The following IMMP2L variants were observed in gnomAD, a reference collection of about 807,000 sequenced individuals.
The protein encoded by IMMP2L is mitochondrial inner membrane protease subunit 2.
In IMMP2L, 18 loss-of-function variants were observed where a neutral mutation model predicts 19.3. The observed-to-expected ratio is 0.93, with a 90% CI of 0.64 to 1.38. The LOEUF (loss-of-function observed/expected upper bound fraction) is 1.38. Among genes scored for constraint, IMMP2L ranks in the 40% most tolerant of loss-of-function variants. The pLI, the probability that IMMP2L is intolerant of heterozygous loss-of-function variation, is 0.00. For synonymous variants in IMMP2L, 76 were observed against 73.0 expected (o/e 1.04, Z -0.21); for missense variants, 233 against 218.2 (o/e 1.07, Z -0.43).
At chr7:110,676,397 C>T (rs190347253) in intron 5 of IMMP2L, among the ~76,000 whole-genome samples, 24 of 152,358 alleles carry the variant, frequency 1.6e-4, no homozygotes, top group Middle Eastern at 3.4e-3. Context: ...CTGTATTTGG[C>T]CTGAGGGCCA....
At chr7:111,488,535 G>A (rs930306175) in intron 2 of IMMP2L, among the ~76,000 whole-genome samples, 1 of 152,100 alleles carries the variant, frequency 6.6e-6, no homozygotes, top group Non-Finnish European at 1.5e-5. Context: ...TTATGGCTGA[G>A]TAATATATAT....
chr7:110,825,614 T>C (rs1803411431), intron 5 of IMMP2L, among the ~76,000 whole-genome samples: 1 of 152,168 alleles, frequency 6.6e-6, no homozygotes, highest in Admixed American at 6.6e-5. Context: ...TAAATGGTGC[T>C]AGGAAAACTG....
chr7:111,175,716 G>A (rs557793246), intron 3 of IMMP2L, among the ~76,000 whole-genome samples: 7 of 151,716 alleles, frequency 4.6e-5, no homozygotes, highest in South Asian at 2.1e-4. Context: ...CATAGGAATG[G>A]GCAAAGATTT....
chr7:111,506,051 C>G (rs996956099), intron 2 of IMMP2L, among the ~76,000 whole-genome samples: 1 of 151,794 alleles, frequency 6.6e-6, no homozygotes, highest in Non-Finnish European at 1.5e-5. Flanking sequence ...GAGGATGGCT[C>G]CAGGCCAAAA....
At chr7:111,415,367 A>C (rs1834865111) in intron 3 of IMMP2L, among the ~76,000 whole-genome samples, 2 of 151,828 alleles carry the variant, frequency 1.3e-5, no homozygotes, top group South Asian at 2.1e-4. Flanking sequence ...GGAGACCTTG[A>C]CTTTAGTATA....
intron 5 of IMMP2L, among the ~76,000 whole-genome samples, chr7:110,794,547 A>G: frequency 6.6e-6 from 1 of 152,224 alleles, no homozygotes; most frequent in South Asian, 2.1e-4. Flanking sequence ...ATCATCATAT[A>G]TTCCTATTTT....
intron 5 of IMMP2L, among the ~76,000 whole-genome samples, chr7:110,806,253 A>G (rs998406404): frequency 1.8e-5 from 2 of 109,646 alleles, no homozygotes; most frequent in African/African-American, 7.0e-5. Context: ...TCTGGCTCTG[A>G]AGTTCTTTTC....
At chr7:111,219,529 A>T in intron 3 of IMMP2L, among the ~76,000 whole-genome samples, 1 of 152,180 alleles carries the variant, frequency 6.6e-6, no homozygotes, top group East Asian at 1.9e-4. Context: ...TAATGATATC[A>T]TAAAATTAAT....
intron 3 of IMMP2L, among the ~76,000 whole-genome samples, chr7:111,388,794 C>T (rs185265995): frequency 6.6e-6 from 1 of 152,146 alleles, no homozygotes; most frequent in East Asian, 1.9e-4. Flanking sequence ...ATTACCTCCC[C>T]CTGGGTCCCT....
intron 3 of IMMP2L, among the ~76,000 whole-genome samples, chr7:111,193,530 T>C (rs1034125124): frequency 1.3e-5 from 2 of 152,120 alleles, no homozygotes; most frequent in Non-Finnish European, 2.9e-5. Context: ...AAAGAAAATA[T>C]AGTTCTTATT....
intron 3 of IMMP2L, among the ~76,000 whole-genome samples, chr7:111,478,042 G>A (rs1841865988): frequency 6.6e-6 from 1 of 151,922 alleles, no homozygotes; most frequent in African/African-American, 2.4e-5. Context: ...AAAACTCTTG[G>A]CCTGAATCTA....
At chr7:110,675,149 A>T (rs1792208421) in intron 5 of IMMP2L, among the ~76,000 whole-genome samples, 1 of 152,168 alleles carries the variant, frequency 6.6e-6, no homozygotes, top group African/African-American at 2.4e-5. Flanking sequence ...TTACACAGCT[A>T]TCATCCAGTG....
chr7:110,904,955 T>C (rs954139397), intron 4 of IMMP2L, among the ~76,000 whole-genome samples: 1 of 152,202 alleles, frequency 6.6e-6, no homozygotes, highest in Non-Finnish European at 1.5e-5. Context: ...AGATAATAAA[T>C]GCTTACAATT....
chr7:111,283,568 G>A (rs1463210153), intron 3 of IMMP2L, among the ~76,000 whole-genome samples: 1 of 152,114 alleles, frequency 6.6e-6, no homozygotes, highest in African/African-American at 2.4e-5. Context: ...GGCAGTCGAG[G>A]AAGACGAGCT....
At chr7:110,973,997 G>T (rs1247505093) in intron 3 of IMMP2L, among the ~76,000 whole-genome samples, 1 of 152,092 alleles carries the variant, frequency 6.6e-6, no homozygotes, top group Non-Finnish European at 1.5e-5. Context: ...TAGCTATGTG[G>T]TTCCCACAGC....
At chr7:110,843,780 A>G (rs9641451) in intron 5 of IMMP2L, among the ~76,000 whole-genome samples, 8,666 of 152,224 alleles carry the variant, frequency 0.057, 572 homozygotes, top group East Asian at 0.29. Flanking sequence ...CCAAGCTAAG[A>G]CCTGAAGGCT....
At chr7:111,520,296 A>G (rs1846214824) in intron 2 of IMMP2L, among the ~76,000 whole-genome samples, 1 of 152,080 alleles carries the variant, frequency 6.6e-6, no homozygotes, top group Non-Finnish European at 1.5e-5. Context: ...TCTTCTGCCC[A>G]AGAAAAGGCC....
chr7:111,093,093 T>C (rs1016828311), intron 3 of IMMP2L, among the ~76,000 whole-genome samples: 4 of 152,188 alleles, frequency 2.6e-5, no homozygotes, highest in Non-Finnish European at 5.9e-5. Context: ...AGTCAATTAA[T>C]TCCAGTGACC....
intron 4 of IMMP2L, among the ~76,000 whole-genome samples, chr7:110,909,920 GATAGAC>G (rs1812870806): frequency 6.8e-6 from 1 of 147,500 alleles, no homozygotes; most frequent in African/African-American, 2.7e-5. Context: ...GAGAGAGAGA[GATAGAC>G]AGAGAGAGAG....
Sources: gnomAD v4.1 joint callset for allele counts (sites outside exome capture counted in the v4.1 genomes callset) on GRCh38, gnomAD v4.1.1 for gene constraint, MANE v1.5 for transcripts, NCBI Gene and HGNC (gene_info 2026-07-23, HGNC 2026-07-21) for gene names.